Variants in GMNC observed in about 807,000 individuals in gnomAD.
GMNC encodes the protein geminin coiled-coil domain-containing protein 1.
GMNC carries 16 observed loss-of-function variants against 33.6 expected under a neutral mutation model. The ratio of observed to expected loss-of-function variants is 0.48; its 90% confidence interval spans 0.32 to 0.72. The LOEUF (loss-of-function observed/expected upper bound fraction) is 0.72, where lower values mean the gene tolerates loss of function less well. Among genes scored for constraint, GMNC ranks in the 30% least tolerant of loss-of-function variants. The pLI is 0.03. For missense variants in GMNC, 393 were observed against 388.9 expected (o/e 1.01, Z -0.09); for synonymous variants, 156 against 147.3 (o/e 1.06, Z -0.43).
rs192602907 is a variant in GMNC at position 190,862,005 on chromosome 3, A to T, written c.3+608T>A. 1.1e-3 allele frequency among the ~76,000 whole-genome samples: 164 copies of T among 152,316 alleles called. No individual in the cohort carries two copies. Among genetic ancestry groups the T allele is most frequent in the African/African-American group, 3.7e-3 (152 of 41,564 alleles). ...AAGTCAATTCAATCGCACTTTGTTA[A>T]TGTTCTCGGTAAATTAAGTTTTGAA... On this transcript the variant is annotated intron_variant, in intron 1 of 4. Coordinates refer to ENST00000442080, the MANE Select transcript of GMNC (RefSeq NM_001146686.3). The surrounding 1 kb of genome is among the most constrained non-coding windows in gnomAD (Gnocchi z 4.5).
At position 190,855,831 on chromosome 3, in the gene GMNC, G is replaced by T. The variant is rs1737722335; in HGVS notation, c.469C>A (p.Pro157Thr). 1 of 1,550,898 alleles carries T rather than the reference G, an allele frequency of 6.4e-7. No homozygotes were observed. The change falls in exon 5 of 5, where the codon CCT (proline) becomes ACT (threonine). Residue 157 changes from proline (P) to threonine (T), a missense_variant. Physicochemically the swap from Pro to Thr is conservative, Grantham distance 38. Coordinates refer to ENST00000442080, the MANE Select transcript of GMNC (RefSeq NM_001146686.3). ...TTTTTGGGATGGGGAATCTCAGCAG[G>T]AGAGTATCTTTGCTCTTTGGATTTT... is the stretch of plus-strand genomic sequence containing the variant. The part of the protein sequence containing the change: ...KRKSKEQRYS[P>T]AEIPHPKNAK...
At position 190,857,918 on chromosome 3, in the gene GMNC, G is replaced by A; in HGVS notation, c.268-19C>T. Reference sequence around the variant, plus strand: ...CTTGCAGCTACAAAAAGCAGACAGTGGTGAAGGCTGCTCCACTATATTGAC... The same window carrying A: ...CTTGCAGCTACAAAAAGCAGACAGTAGTGAAGGCTGCTCCACTATATTGAC... On this transcript the variant is annotated intron_variant, in intron 3 of 4. Coordinates refer to ENST00000442080, the MANE Select transcript of GMNC (RefSeq NM_001146686.3). 6 of 1,293,910 alleles carry A rather than the reference G, an allele frequency of 4.6e-6. No individual in the cohort carries two copies. The highest frequency in any genetic ancestry group is 6.6e-6 in the Non-Finnish European group (6 of 911,612). 80.2% of individuals were successfully genotyped at this position (1,293,910 alleles called of 1,614,324 possible). A position where few individuals can be genotyped will look rare whatever the true frequency, so the allele number is the denominator to read the frequency against.
chr3:190,844,103 A>C, the GMNC span, among the ~76,000 whole-genome samples: 1 of 152,168 alleles, frequency 6.6e-6, no homozygotes, highest in Non-Finnish European at 1.5e-5. Flanking sequence ...TAACACAGTC[A>C]TATAACGTTT....
Position 190,861,450 on chromosome 3 carries a change from CCTATCATCTATCTAT to C in GMNC, c.4-607_4-593del, listed in dbSNP as rs1737864643. 6.9e-6 allele frequency among the ~76,000 whole-genome samples: 1 copy of C among 145,814 alleles called. No homozygotes were observed. ...ATCTATCTGTCTGTCTGTCTGTCTG[CCTATCATCTATCTAT>C]CTATCTATCTATCTATCTATCTATC... On this transcript the variant is annotated intron_variant, in intron 1 of 4. Transcript: ENST00000442080. The surrounding 1 kb of genome is among the most constrained non-coding windows in gnomAD (Gnocchi z 5.1).
chr3:190,854,918 G>A lies in GMNC; in HGVS notation c.*377C>T, dbSNP rs1173153407. 1.1e-5 allele frequency: 2 copies of A among 186,964 alleles called. No individual in the cohort carries two copies. Among genetic ancestry groups the A allele is most frequent in the Non-Finnish European group, 2.3e-5 (2 of 87,606 alleles). The allele number at this position is 186,964 out of a possible 1,614,324, so 11.6% of individuals were successfully genotyped here. A position where few individuals can be genotyped will look rare whatever the true frequency, so the allele number is the denominator to read the frequency against. ...AAATGACAAAGGGAGAAAAGTAAAA[G>A]GGCTGTGAATATTTCAACTACTTAA... On this transcript the variant is annotated 3_prime_UTR_variant, in exon 5 of 5. Transcript: ENST00000442080.
At chr3:190,849,322 TG>T (rs1737598798), downstream of GMNC, among the ~76,000 whole-genome samples, 1 of 152,074 alleles carries the variant, frequency 6.6e-6, no homozygotes, top group South Asian at 2.1e-4. Context: ...CACCTGGCAC[TG>T]TGCAGATGCC....
Position 190,854,421 on chromosome 3 carries a change from C to T in GMNC, c.*874G>A, listed in dbSNP as rs763677350. Reference sequence around the variant, plus strand: ...GGACTGATCAATGAAAAAATGAATACGCGAATGAATGAATGAATGAGACAA... The same window carrying T: ...GGACTGATCAATGAAAAAATGAATATGCGAATGAATGAATGAATGAGACAA... On this transcript the variant is annotated 3_prime_UTR_variant, in exon 5 of 5. Coordinates refer to ENST00000442080, the MANE Select transcript of GMNC (RefSeq NM_001146686.3). 8 of 151,974 alleles carry T rather than the reference C, an allele frequency of 5.3e-5. No homozygotes were observed. The highest frequency in any genetic ancestry group is 3.9e-4 in the Admixed American group (6 of 15,212). The allele number at this position is 151,974 out of a possible 1,614,324, so 9.4% of individuals were successfully genotyped here.
chr3:190,849,544 G>C (rs1470676544), downstream of GMNC, among the ~76,000 whole-genome samples: 1 of 152,216 alleles, frequency 6.6e-6, no homozygotes, highest in African/African-American at 2.4e-5. Flanking sequence ...GGAGGACCCT[G>C]AGGGAATCTT....
rs75848819 is a variant in GMNC at position 190,857,801 on chromosome 3, A to G, written c.366T>C (p.Cys122=). ...TACATACCTTGGCCTTTTCTTCAAG[A>G]CATTTAACCAAAGCAGAATTCAGGT... ...RQYLNSALVK[C]LEEKAKKLLS... The change falls in exon 4 of 5, where the codon TGT becomes TGC. Residue 122 remains cysteine, a synonymous_variant. Coordinates refer to ENST00000442080, the MANE Select transcript of GMNC (RefSeq NM_001146686.3). The G allele has an allele frequency of 0.016, 24,099 of 1,539,678 alleles. 399 individuals are homozygous for G. The highest frequency in any genetic ancestry group is 0.016 in the Non-Finnish European group (17,710 of 1,136,098).
At chr3:190,860,546 T>C (rs887071796) in intron 2 of GMNC, 138 bp downstream of exon 2, 1 of 689,392 alleles carries the variant, frequency 1.5e-6, no homozygotes, top group Non-Finnish European at 2.4e-6. Context: ...TTTATGACTG[T>C]AAAAATCAGG....
chr3:190,855,996 T>C (rs1252852633), intron 4 of GMNC, 81 bp from the exon 5 acceptor site: 21 of 1,066,318 alleles, frequency 2.0e-5, no homozygotes, highest in South Asian at 5.2e-5. Flanking sequence ...AATGCTTAAA[T>C]TTCTCTTCAC....
chr3:190,859,296 ATAAAT>A (rs1478529438), intron 2 of GMNC, among the ~76,000 whole-genome samples: 1 of 152,186 alleles, frequency 6.6e-6, no homozygotes, highest in East Asian at 1.9e-4. Context: ...TTCCTGCTGG[ATAAAT>A]TAAAGACTGT....
rs751317534 is a variant in GMNC, at chr3:190,852,780, C to T, written c.*2515G>A. ...TTAAGCATGGTATAAAAATAGTTAC[C>T]GCAATCACAAAAGAGTTTTTATTTC... On this transcript the variant is annotated 3_prime_UTR_variant, in exon 5 of 5. Coordinates refer to ENST00000442080, the MANE Select transcript of GMNC (RefSeq NM_001146686.3). The T allele has an allele frequency of 2.0e-4, 30 of 151,960 alleles. No individual in the cohort carries two copies. Among genetic ancestry groups the T allele is most frequent in the Non-Finnish European group, 3.2e-4 (22 of 67,940 alleles). The allele number at this position is 151,960 out of a possible 1,614,324, so 9.4% of individuals were successfully genotyped here.
Position 190,855,523 on chromosome 3 carries a change from A to G in GMNC, c.777T>C (p.His259=). The G allele has an allele frequency of 6.4e-7, 1 of 1,551,758 alleles. No individual in the cohort carries two copies. The highest frequency in any genetic ancestry group is 8.7e-7 in the Non-Finnish European group (1 of 1,146,974). The change falls in exon 5 of 5, where the codon CAT becomes CAC. Residue 259 remains histidine (H), a synonymous_variant. Coordinates refer to ENST00000442080, the MANE Select transcript of GMNC (RefSeq NM_001146686.3). ...GAGAAAGGATGTGGAAATCTTCTCC[A>G]TGAGTGGCAGTGCTGTGCAAGGGGG... ...RTTPLHSTAT[H]GEDFHILSQL...
At chr3:190,855,981 GA>G (rs550776078) in intron 4 of GMNC, 66 bp from the exon 5 acceptor site, 47 of 1,213,930 alleles carry the variant, frequency 3.9e-5, no homozygotes, top group South Asian at 3.1e-4. Context: ...AATTATTTCG[GA>G]AAAAATGCTT....
chr3:190,845,326 C>T, the GMNC span, among the ~76,000 whole-genome samples: 8 of 152,046 alleles, frequency 5.3e-5, no homozygotes, highest in Admixed American at 3.9e-4. Flanking sequence ...TGCATTAGTC[C>T]GTTCCCACAC....
chr3:190,846,271 G>A, the GMNC span, among the ~76,000 whole-genome samples: 1 of 151,898 alleles, frequency 6.6e-6, no homozygotes, highest in Non-Finnish European at 1.5e-5. Flanking sequence ...AAAATTGGAA[G>A]TAACCTTCAT....
Position 190,855,300 on chromosome 3 carries a change from A to G in GMNC, c.1000T>C (p.Ser334Pro). The G allele has an allele frequency of 6.4e-7, 1 of 1,551,058 alleles. No individual in the cohort carries two copies. The highest frequency in any genetic ancestry group is 8.7e-7 in the Non-Finnish European group (1 of 1,146,502). ...GWKFTWVPKQS is the reference protein window; with the variant it reads ...GWKFTWVPKQP ...TTGTGATAAAAGAGGGGTCACTAAG[A>G]CTGCTTAGGGACCCAGGTAAACTTC... is the stretch of plus-strand genomic sequence containing the variant. The change falls in exon 5 of 5, where the codon TCT (serine) becomes CCT (proline). Residue 334 changes from serine (S) to proline (P), a missense_variant. Coordinates refer to ENST00000442080, the MANE Select transcript of GMNC (RefSeq NM_001146686.3).
chr3:190,848,067 G>A (rs1192117911), downstream of GMNC, among the ~76,000 whole-genome samples: 3 of 152,074 alleles, frequency 2.0e-5, no homozygotes, highest in East Asian at 1.9e-4. Flanking sequence ...GGACATCTAC[G>A]AAAGTTGGAT....
Sources: allele counts gnomAD v4.1 joint callset (sites outside exome capture counted in the v4.1 genomes callset), GRCh38; gene constraint gnomAD v4.1.1; non-coding constraint Gnocchi (gnomAD v3.1); transcripts MANE v1.5; gene names NCBI Gene and HGNC (gene_info 2026-07-23, HGNC 2026-07-21).